Variants in GSN observed in about 807,000 individuals in gnomAD.
The protein encoded by GSN is actin-depolymerizing factor.
A neutral mutation model predicts 85.7 loss-of-function variants in GSN; 56 were observed. That is an observed-to-expected ratio of 0.65 (90% CI 0.53 to 0.82). GSN has a LOEUF of 0.82. Ranked by LOEUF, GSN falls within the 40% of genes least tolerant of loss-of-function variation. The pLI is 0.00. For synonymous variants in GSN, 373 were observed against 399.1 expected (o/e 0.93, Z 0.78); for missense variants, 857 against 979.8 (o/e 0.87, Z 1.67).
At chr9:121,265,952 GT>G (rs1246185005), upstream of GSN, among the ~76,000 whole-genome samples, 2 of 152,206 alleles carry the variant, frequency 1.3e-5, no homozygotes, top group African/African-American at 4.8e-5. Context: ...ATTTCTAGAA[GT>G]GTTCCTAGAG....
At chr9:121,287,164 C>T (rs992009022) in intron 2 of GSN, among the ~76,000 whole-genome samples, 2 of 152,060 alleles carry the variant, frequency 1.3e-5, no homozygotes, top group Non-Finnish European at 2.9e-5. Flanking sequence ...CTTTGTTTGG[C>T]GATTGTTTTT....
In GSN at chr9:121,306,757, A is replaced by G. The variant is rs551248262; in HGVS notation, c.351+3692A>G. Among the ~76,000 whole-genome samples, 8 of 152,352 alleles carry G rather than the reference A, an allele frequency of 5.3e-5. 1 individual carries two copies. Among genetic ancestry groups the G allele is most frequent in the Admixed American group, 3.3e-4 (5 of 15,298 alleles). On this transcript the variant is annotated intron_variant, in intron 4 of 17. Transcript: ENST00000432226. ...TTTCCCCTGCCCTTGTAGATCCACT[A>G]ATGTCTTCTAAGAGCTTGCTTTAAT...
chr9:121,230,629 G>C (rs1245881796), intron 4 of GSN, among the ~76,000 whole-genome samples: 2 of 152,164 alleles, frequency 1.3e-5, no homozygotes, highest in Non-Finnish European at 2.9e-5. Context: ...ACTTCACCTT[G>C]TTGAATCCCA....
chr9:121,329,166 C>T lies in GSN; in HGVS notation c.1888-72C>T. The stretch of plus-strand genomic sequence containing the variant: ...GCTGCAGCCAGCTGTGCCACTCCCT[C>T]AGGGGGCAGATAAAGGAAGGCCACC... On this transcript the variant is annotated intron_variant, in intron 15 of 17. Coordinates refer to ENST00000432226, the MANE Select transcript of GSN (RefSeq NM_198252.3). This position sits in a 1 kb window ranked among gnomAD's most constrained non-coding sequence, Gnocchi z 4.6. The T allele has an allele frequency of 6.8e-7, 1 of 1,460,344 alleles. No individual in the cohort carries two copies. Among genetic ancestry groups the T allele is most frequent in the South Asian group, 1.1e-5 (1 of 87,720 alleles). 90.5% of individuals were successfully genotyped at this position (1,460,344 alleles called of 1,614,324 possible).
rs556959814 is a variant in GSN, at chr9:121,298,463, A to T, written c.-9-3500A>T. 4.5e-4 allele frequency among the ~76,000 whole-genome samples: 68 copies of T among 152,224 alleles called. No homozygotes were observed. The South Asian group carries it at 0.012, about 27-fold the overall frequency. On this transcript the variant is annotated intron_variant, in intron 2 of 17. Transcript: ENST00000432226. ...GAGCAAGTTGTGGGTGGGAGAGGGC[A>T]AACTTCAGCCTCATTAGATAGAGGC... is the stretch of plus-strand genomic sequence containing the variant.
At chr9:121,258,478 A>G (rs1389423093) in intron 6 of GSN, among the ~76,000 whole-genome samples, 1 of 146,232 alleles carries the variant, frequency 6.8e-6, no homozygotes, top group African/African-American at 2.5e-5. Flanking sequence ...AAAAAAAAAA[A>G]CTATATTGAA....
intron 4 of GSN, among the ~76,000 whole-genome samples, chr9:121,220,382 C>CCT (rs1212088507): frequency 1.1e-5 from 1 of 89,154 alleles, no homozygotes; most frequent in Non-Finnish European, 3.0e-5. Context: ...ACTATTCTCA[C>CCT]CTCTCAGAGA....
intron 10 of GSN, 48 bp from the exon 11 acceptor site, chr9:121,321,220 G>A: frequency 1.2e-6 from 2 of 1,608,762 alleles, no homozygotes; most frequent in South Asian, 2.2e-5. Flanking sequence ...GCCTGAGCTG[G>A]GGGGTGGGGG....
chr9:121,280,784 C>T (rs2057270546), intron 1 of GSN: 1 of 152,076 alleles, frequency 6.6e-6, no homozygotes, highest in Admixed American at 6.5e-5. Flanking sequence ...TCAAGTTACA[C>T]AGTTAAGTGA....
intron 4 of GSN, among the ~76,000 whole-genome samples, chr9:121,213,412 T>C (rs148820697): frequency 3.4e-4 from 52 of 152,344 alleles, no homozygotes; most frequent in African/African-American, 1.2e-3. Context: ...AGCAGGCCCA[T>C]GCCAGGCCCT....
Position 121,324,584 on chromosome 9 carries a change from C to A in GSN, c.1356C>A (p.Val452=). 6.5e-7 allele frequency: 1 copy of A among 1,545,746 alleles called. No homozygotes were observed. Among genetic ancestry groups the A allele is most frequent in the Non-Finnish European group, 8.7e-7 (1 of 1,143,220 alleles). The change falls in exon 12 of 18, where the codon GTC becomes GTA. Residue 452 remains valine, a synonymous_variant. Transcript: ENST00000432226. ...GTGCCCAGTCTACCCAGGATGAGGT[C>A]GCTGCATCTGCCATCCTGACTGCTC... The part of the protein sequence containing the change: ...WQGAQSTQDE[V]AASAILTAQL...
At chr9:121,271,215 G>A (rs961703758) in intron 1 of GSN, among the ~76,000 whole-genome samples, 14 of 152,074 alleles carry the variant, frequency 9.2e-5, no homozygotes, top group East Asian at 3.9e-4. Flanking sequence ...CTGAAAATAC[G>A]TGCTGGGATG....
intron 11 of GSN, 71 bp from the exon 12 acceptor site, chr9:121,324,483 C>A: frequency 1.3e-6 from 1 of 794,840 alleles, no homozygotes; most frequent in Non-Finnish European, 2.2e-6. Context: ...GTAGGTTTCT[C>A]AGACTCAGGG....
intron 2 of GSN, chr9:121,285,651 C>T (rs1399344429): frequency 6.4e-6 from 1 of 156,402 alleles, no homozygotes; most frequent in Non-Finnish European, 1.4e-5. Flanking sequence ...CCACTCAGCT[C>T]CTCAGTGGCA....
rs1469260008 is a variant in GSN at position 121,317,080 on chromosome 9, C to T, written c.754-6C>T. 10 of 1,614,162 alleles carry T rather than the reference C, an allele frequency of 6.2e-6. No individual in the cohort carries two copies. Among genetic ancestry groups the T allele is most frequent in the Admixed American group, 1.7e-5 (1 of 60,032 alleles). Reference sequence around the variant, plus strand: ...TGTGCTGGTTCCTTCTGCTTCGTCCCCTCAGGTCTCCAATGGTGCAGGGAC... The same window carrying T: ...TGTGCTGGTTCCTTCTGCTTCGTCCTCTCAGGTCTCCAATGGTGCAGGGAC... On this transcript the variant is annotated splice_polypyrimidine_tract_variant and splice_region_variant and intron_variant, in intron 7 of 17. Transcript: ENST00000432226.
At chr9:121,212,937 C>T (rs1246553192) in intron 4 of GSN, among the ~76,000 whole-genome samples, 2 of 152,184 alleles carry the variant, frequency 1.3e-5, no homozygotes, top group Non-Finnish European at 2.9e-5. Context: ...GCATGAGCCA[C>T]TGCACCTGGC....
chr9:121,211,949 G>T (rs148083133), intron 4 of GSN, among the ~76,000 whole-genome samples: 1 of 152,272 alleles, frequency 6.6e-6, no homozygotes, highest in South Asian at 2.1e-4. Context: ...TTGCTTACTG[G>T]TGAAGCTGTG....
intron 6 of GSN, among the ~76,000 whole-genome samples, chr9:121,262,966 C>T (rs528229783): frequency 7.8e-4 from 119 of 152,342 alleles, no homozygotes; most frequent in African/African-American, 2.4e-3. Context: ...CTGTGCCAAG[C>T]ACTATTTGAC....
Position 121,313,969 on chromosome 9 carries a change from C to G in GSN, c.699C>G (p.Thr233=). 1.2e-6 allele frequency: 2 copies of G among 1,614,158 alleles called. No individual in the cohort carries two copies. Among genetic ancestry groups the G allele is most frequent in the South Asian group, 2.2e-5 (2 of 91,084 alleles). ...CCAAGCCGGCTCTGCCTGCAGGTAC[C>G]GAGGACACCGCCAAGGAGGATGCGG... ...LGPKPALPAG[T]EDTAKEDAAN... is the part of the protein sequence containing the mutation. Residue 233 remains threonine, a synonymous_variant, in exon 7 of 18, where the codon ACC becomes ACG. Coordinates refer to ENST00000432226, the MANE Select transcript of GSN (RefSeq NM_198252.3).
Sources: gnomAD v4.1 joint callset for allele counts (sites outside exome capture counted in the v4.1 genomes callset) on GRCh38, gnomAD v4.1.1 for gene constraint, Gnocchi (gnomAD v3.1) non-coding constraint, MANE v1.5 for transcripts, NCBI Gene and HGNC (gene_info 2026-07-23, HGNC 2026-07-21) for gene names.